Variants in ROBO3 observed in about 807,000 individuals in gnomAD.
The protein encoded by ROBO3 is roundabout homolog 3.
ROBO3 carries 97 observed loss-of-function variants against 160.5 expected under a neutral mutation model. The ratio of observed to expected loss-of-function variants is 0.60; its 90% CI spans 0.51 to 0.72. ROBO3 has a LOEUF of 0.72. Ranked by LOEUF, ROBO3 falls within the 30% of genes least tolerant of loss-of-function variation. The pLI is 0.00. For missense variants in ROBO3, 1,858 were observed against 1,846.5 expected, an observed-to-expected ratio of 1.01 and a Z score of -0.11; for synonymous variants, 780 against 746.2, an observed-to-expected ratio of 1.05 and a Z score of -0.74.
In ROBO3 at chr11:124,878,819, A is replaced by T. The variant is rs1331494770; in HGVS notation, c.3533+23A>T. 15 of 1,550,638 alleles carry T rather than the reference A, an allele frequency of 9.7e-6. No individual in the cohort carries two copies. The highest frequency in any genetic ancestry group is 1.7e-4 in the Middle Eastern group (1 of 5,950). ...CAGGTAGGGAGGTATATAGTACCTCACTCATTGCAAGCCCTCTATACGTAT... is the reference window on the plus strand; with the variant it reads ...CAGGTAGGGAGGTATATAGTACCTCTCTCATTGCAAGCCCTCTATACGTAT... On this transcript the variant is annotated intron_variant, in intron 23 of 27. Transcript: ENST00000397801. This position sits in a 1 kb window ranked among gnomAD's most constrained non-coding sequence, Gnocchi z 4.3.
In ROBO3 at chr11:124,873,642, A is replaced by G. The variant is rs1946308501; in HGVS notation, c.1619-55A>G. The G allele has an allele frequency of 6.7e-7, 1 of 1,502,682 alleles. No homozygotes were observed. The allele number at this position is 1,502,682 out of a possible 1,614,324, so 93.1% of individuals were successfully genotyped here. The stretch of plus-strand genomic sequence containing the variant: ...AGCTCCCCTGGTAAGGAGACAGGTT[A>G]CACTAGGATTATCCTTTCCCTATCT... On this transcript the variant is annotated intron_variant, in intron 10 of 27. Coordinates refer to ENST00000397801, the MANE Select transcript of ROBO3 (RefSeq NM_022370.4). The surrounding 1 kb of genome is among the most constrained non-coding windows in gnomAD (Gnocchi z 4.5).
In ROBO3 at chr11:124,875,588, T is replaced by C; in HGVS notation, c.2324T>C (p.Val775Ala). Residue 775 changes from valine (V) to alanine (A), a missense_variant, in exon 15 of 28, where the codon GTG becomes GCG. Transcript: ENST00000397801. ...GCCCCCAGTGGCCCCCCACAGGGAGTGGCGGTGGCCTTGGGGGGTGATGGC... is the reference window on the plus strand; with the variant it reads ...GCCCCCAGTGGCCCCCCACAGGGAGCGGCGGTGGCCTTGGGGGGTGATGGC... ...EEAPSGPPQGVAVALGGDGNS... is the reference protein window; with the variant it reads ...EEAPSGPPQGAAVALGGDGNS... 1.2e-6 allele frequency: 2 copies of C among 1,611,546 alleles called. No individual in the cohort carries two copies. Among genetic ancestry groups the C allele is most frequent in the Non-Finnish European group, 8.5e-7 (1 of 1,179,018 alleles).
chr11:124,868,180 T>C (rs1946227148), intron 1 of ROBO3, among the ~76,000 whole-genome samples: 3 of 152,162 alleles, frequency 2.0e-5, no homozygotes, highest in African/African-American at 7.2e-5. Flanking sequence ...ACCCTTGAAA[T>C]GAAGCGTGAT....
rs1946240617 is a variant in ROBO3 at position 124,868,925 on chromosome 11, T to C, written c.284T>C (p.Ile95Thr). Residue 95 changes from isoleucine (I) to threonine (T), a missense_variant, in exon 2 of 28, where the codon ATT (isoleucine) becomes ACT (threonine). Physicochemically the swap from Ile to Thr is moderately conservative, Grantham distance 89. Transcript: ENST00000397801. ...CRAEGRPRPN[I>T]EWYKNGARVA... ...GCTGAAGGCCGACCCCGACCCAACA[T>C]TGAGTGGTACAAGAACGGGGCGCGT... 1.2e-6 allele frequency: 2 copies of C among 1,607,856 alleles called. No individual in the cohort carries two copies. The highest frequency in any genetic ancestry group is 1.1e-5 in the South Asian group (1 of 89,876).
chr11:124,871,586 G>C (rs1185903980), intron 7 of ROBO3, among the ~76,000 whole-genome samples: 1 of 152,202 alleles, frequency 6.6e-6, no homozygotes, highest in African/African-American at 2.4e-5. Context: ...TCACAAAGGA[G>C]AGCTCACAGT....
At position 124,872,698 on chromosome 11, in the gene ROBO3, C is replaced by G; in HGVS notation, c.1330+146C>G. 2.0e-6 allele frequency: 2 copies of G among 996,102 alleles called. No homozygotes were observed. Among genetic ancestry groups the G allele is most frequent in the Non-Finnish European group, 2.9e-6 (2 of 694,670 alleles). 61.7% of individuals were successfully genotyped at this position (996,102 alleles called of 1,614,324 possible). ...CATGACCTTGAAGTTTGGAAACCAG[C>G]AGCAGAAGCCACTAATAATGGCTGG... On this transcript the variant is annotated intron_variant, in intron 8 of 27. Transcript: ENST00000397801. This position sits in a 1 kb window ranked among gnomAD's most constrained non-coding sequence, Gnocchi z 4.3.
chr11:124,865,461 A>G lies in ROBO3; in HGVS notation c.-117A>G. 2 of 1,054,704 alleles carry G rather than the reference A, an allele frequency of 1.9e-6. No homozygotes were observed. Among genetic ancestry groups the G allele is most frequent in the Non-Finnish European group, 2.7e-6 (2 of 736,580 alleles). 65.3% of individuals were successfully genotyped at this position (1,054,704 alleles called of 1,614,324 possible). A position where few individuals can be genotyped will look rare whatever the true frequency, so the allele number is the denominator to read the frequency against. On this transcript the variant is annotated 5_prime_UTR_variant, in exon 1 of 28. Transcript: ENST00000397801. This position sits in a 1 kb window ranked among gnomAD's most constrained non-coding sequence, Gnocchi z 5.5. The stretch of plus-strand genomic sequence containing the variant: ...CCAGGCGCACCGGCAGGAGAGCGGC[A>G]CCGTGGCTGCCGCAGCGCGCAGAGG...
chr11:124,871,895 A>G (rs765340714), intron 7 of ROBO3, among the ~76,000 whole-genome samples: 1 of 152,210 alleles, frequency 6.6e-6, no homozygotes, highest in East Asian at 1.9e-4. Flanking sequence ...GGGGTGAAGC[A>G]GGTGTTACCC....
chr11:124,880,336 C>T (rs4366494), intron 26 of ROBO3, 82 bp from the exon 27 acceptor site: 1,270,015 of 1,555,272 alleles, frequency 0.82, 521,384 homozygotes, highest in East Asian at 1. Context: ...AGAGCTGAGC[C>T]TGTGGTCAGG....
rs937769331 is a variant in ROBO3 at position 124,876,895 on chromosome 11, G to C, written c.2780-266G>C. 33 of 587,468 alleles carry C rather than the reference G, an allele frequency of 5.6e-5. No individual in the cohort carries two copies. Among genetic ancestry groups the C allele is most frequent in the Non-Finnish European group, 9.4e-5 (31 of 330,770 alleles). The allele number at this position is 587,468 out of a possible 1,614,324, so 36.4% of individuals were successfully genotyped here. On this transcript the variant is annotated intron_variant, in intron 17 of 27. Transcript: ENST00000397801. This position sits in a 1 kb window ranked among gnomAD's most constrained non-coding sequence, Gnocchi z 5.3. ...GCGATCCGAGTTCTGCTACTTCCTA[G>C]TAAGGGACGTCTCTGGAGAGATTCT...
chr11:124,880,403 C>A lies in ROBO3; in HGVS notation c.3959-15C>A. The A allele has an allele frequency of 6.2e-7, 1 of 1,612,622 alleles. No individual in the cohort carries two copies. Among genetic ancestry groups the A allele is most frequent in the Non-Finnish European group, 8.5e-7 (1 of 1,179,180 alleles). On this transcript the variant is annotated splice_polypyrimidine_tract_variant and intron_variant, in intron 26 of 27. Transcript: ENST00000397801. ...TCCTGCCTGCACCTGGCTACCCTTCCCTCTTGTGCTGCAGAAGAGGCCTGG... is the reference window on the plus strand; with the variant it reads ...TCCTGCCTGCACCTGGCTACCCTTCACTCTTGTGCTGCAGAAGAGGCCTGG...
At chr11:124,875,045 G>T (rs1946333948) in intron 13 of ROBO3, 66 bp from the exon 14 acceptor site, 1 of 1,517,286 alleles carries the variant, frequency 6.6e-7, no homozygotes, top group Non-Finnish European at 8.9e-7. Flanking sequence ...GCTGGGCCTG[G>T]ATGGCCTGGA....
In ROBO3 at chr11:124,881,431, T is replaced by C; in HGVS notation, c.*181T>C. On this transcript the variant is annotated 3_prime_UTR_variant, in exon 28 of 28. Coordinates refer to ENST00000397801, the MANE Select transcript of ROBO3 (RefSeq NM_022370.4). ...TTTCTTTTTCCACCTGAGACTTGTT[T>C]ATAAAAAACAAAACAATAAAAAGAG... 3 of 621,332 alleles carry C rather than the reference T, an allele frequency of 4.8e-6. No individual in the cohort carries two copies. Among genetic ancestry groups the C allele is most frequent in the Non-Finnish European group, 8.5e-6 (3 of 352,670 alleles). 38.5% of individuals were successfully genotyped at this position (621,332 alleles called of 1,614,324 possible).
Position 124,876,499 on chromosome 11 carries a change from A to AGCCAGGCGGCCCATGGGGAGGGG in ROBO3, c.2779+40_2779+62dup, listed in dbSNP as rs1946379870. 2 of 1,346,148 alleles carry AGCCAGGCGGCCCATGGGGAGGGG rather than the reference A, an allele frequency of 1.5e-6. No individual in the cohort carries two copies. The highest frequency in any genetic ancestry group is 2.1e-4 in the Middle Eastern group (1 of 4,858). 83.4% of individuals were successfully genotyped at this position (1,346,148 alleles called of 1,614,324 possible). A position where few individuals can be genotyped will look rare whatever the true frequency, so the allele number is the denominator to read the frequency against. On this transcript the variant is annotated intron_variant, in intron 17 of 27. Transcript: ENST00000397801. The surrounding 1 kb of genome is among the most constrained non-coding windows in gnomAD (Gnocchi z 5.3). ...CTCGGAGCGGACGGATCCGGGAGGG[A>AGCCAGGCGGCCCATGGGGAGGGG]GCCAGGCGGCCCATGGGGAGGGGCA... is the stretch of plus-strand genomic sequence containing the variant.
Position 124,877,178 on chromosome 11 carries a change from C to A in ROBO3, c.2797C>A (p.Pro933Thr), listed in dbSNP as rs200839513. The A allele has an allele frequency of 6.2e-7, 1 of 1,613,990 alleles. No individual in the cohort carries two copies. Among genetic ancestry groups the A allele is most frequent in the Non-Finnish European group, 8.5e-7 (1 of 1,179,872 alleles). Residue 933 changes from proline to threonine, a missense_variant, in exon 18 of 28, where the codon CCG becomes ACG. Physicochemically the swap from Pro to Thr is conservative, Grantham distance 38. Coordinates refer to ENST00000397801, the MANE Select transcript of ROBO3 (RefSeq NM_022370.4). Reference protein sequence around the residue: ...SHYTASFAYTPAVSFPHSEGL... With the variant: ...SHYTASFAYTTAVSFPHSEGL... ...TCTGGAAGCCTCTTTTGCCTACACA[C>A]CGGCAGGTAAGCCATCTCTGCCCCA...
In ROBO3 at chr11:124,880,539, C is replaced by A. The variant is rs2135351008; in HGVS notation, c.4080C>A (p.Gly1360=). ...CCAGCAGCTCTAGGGGCTCCCGGGG[C>A]CCTGGCCGGAGCCGGAGTCGGAGTC... The part of the protein sequence containing the change: ...RGSSSSRGSR[G]PGRSRSRSQS... Residue 1360 remains glycine (G), a synonymous_variant, in exon 27 of 28, where the codon GGC becomes GGA. Transcript: ENST00000397801. The A allele has an allele frequency of 6.4e-7, 1 of 1,551,410 alleles. No homozygotes were observed. Among genetic ancestry groups the A allele is most frequent in the South Asian group, 1.2e-5 (1 of 84,988 alleles).
In ROBO3 at chr11:124,876,448, A is replaced by C. The variant is rs1054232300; in HGVS notation, c.2767A>C (p.Ser923Arg). 56 of 1,434,650 alleles carry C rather than the reference A, an allele frequency of 3.9e-5. No individual in the cohort carries two copies. The African/African-American group carries it at 7.0e-4, about 18-fold the overall frequency. The allele number at this position is 1,434,650 out of a possible 1,614,324, so 88.9% of individuals were successfully genotyped here. A position where few individuals can be genotyped will look rare whatever the true frequency, so the allele number is the denominator to read the frequency against. Residue 923 changes from serine to arginine, a missense_variant, in exon 17 of 28, where the codon AGC becomes CGC. Coordinates refer to ENST00000397801, the MANE Select transcript of ROBO3 (RefSeq NM_022370.4). The surrounding 1 kb of genome is among the most constrained non-coding windows in gnomAD (Gnocchi z 5.3). The part of the protein sequence containing the change: ...YWRRKQRKEL[S>R]HYTASFAYTP... Reference sequence around the variant, plus strand: ...GCGCCGGAAACAGCGCAAAGAGCTCAGCCACTACACGGGTGAGCTCCCGGC... The same window carrying C: ...GCGCCGGAAACAGCGCAAAGAGCTCCGCCACTACACGGGTGAGCTCCCGGC...
In ROBO3 at chr11:124,869,471, A is replaced by G; in HGVS notation, c.509A>G (p.Gln170Arg). The G allele has an allele frequency of 7.3e-7, 1 of 1,371,004 alleles. No homozygotes were observed. The highest frequency in any genetic ancestry group is 9.9e-7 in the Non-Finnish European group (1 of 1,012,312). 84.9% of individuals were successfully genotyped at this position (1,371,004 alleles called of 1,614,324 possible). The change falls in exon 3 of 28, where the codon CAG (glutamine) becomes CGG (arginine). Residue 170 changes from glutamine (Q) to arginine (R), a missense_variant. Transcript: ENST00000397801. This position sits in a 1 kb window ranked among gnomAD's most constrained non-coding sequence, Gnocchi z 4.2. ...CCAGTCCTCCGTGATGATTTCCGGC[A>G]GTCTCCTGGAAACGTGGTGGTGGCA... ...EVAVLRDDFR[Q>R]SPGNVVVAVG... is the part of the protein sequence containing the mutation.
intron 25 of ROBO3, 44 bp downstream of exon 25, chr11:124,879,619 G>A (rs1946509204): frequency 1.3e-6 from 2 of 1,555,944 alleles, no homozygotes; most frequent in African/African-American, 2.7e-5. Context: ...TAGTGGCGGG[G>A]GGATAGGCAG....
Sources: allele counts gnomAD v4.1 joint callset (sites outside exome capture counted in the v4.1 genomes callset), GRCh38; gene constraint gnomAD v4.1.1; non-coding constraint Gnocchi (gnomAD v3.1); transcripts MANE v1.5; gene names NCBI Gene and HGNC (gene_info 2026-07-23, HGNC 2026-07-21).